The following SLIT3 variants were observed in gnomAD, a reference collection of about 807,000 sequenced individuals.
The protein encoded by SLIT3 is slit homolog 3 protein.
In SLIT3, 68 loss-of-function variants were observed where a neutral mutation model predicts 184.0. The ratio of observed to expected loss-of-function variants is 0.37; its 90% CI spans 0.30 to 0.45. The LOEUF is 0.45. Ranked by LOEUF, SLIT3 falls within the 20% of genes least tolerant of loss-of-function variation. SLIT3 has a pLI of 1.00. For synonymous variants in SLIT3, 831 were observed against 828.6 expected, an observed-to-expected ratio of 1.00 and a Z score of -0.05; for missense variants, 1,707 against 2,026.0, an observed-to-expected ratio of 0.84 and a Z score of 3.02.
At chr5:168,834,400 A>G (rs1757974701) in intron 6 of SLIT3, among the ~76,000 whole-genome samples, 1 of 152,048 alleles carries the variant, frequency 6.6e-6, no homozygotes, top group Admixed American at 6.6e-5. Context: ...TTAAATTTAG[A>G]TGGAGAAAGG....
At chr5:169,278,591 G>A (rs562227273) in intron 1 of SLIT3, among the ~76,000 whole-genome samples, 6 of 152,262 alleles carry the variant, frequency 3.9e-5, no homozygotes, top group South Asian at 2.1e-4. Context: ...GTATTAATGC[G>A]CAGGCCCAAA....
At chr5:168,975,574 C>A (rs1032709491) in intron 4 of SLIT3, among the ~76,000 whole-genome samples, 4 of 152,126 alleles carry the variant, frequency 2.6e-5, no homozygotes, top group Non-Finnish European at 4.4e-5. Flanking sequence ...GACACACAGG[C>A]ACACACCCAC....
At chr5:169,249,001 T>C (rs1293684596) in intron 2 of SLIT3, among the ~76,000 whole-genome samples, 2 of 152,192 alleles carry the variant, frequency 1.3e-5, no homozygotes, top group Non-Finnish European at 2.9e-5. Context: ...TTTTCAAGAC[T>C]ACTGAATCTT....
intron 4 of SLIT3, among the ~76,000 whole-genome samples, chr5:168,967,600 C>T (rs1326410297): frequency 2.4e-4 from 34 of 144,218 alleles, no homozygotes; most frequent in African/African-American, 7.3e-4. Flanking sequence ...CCACTACGCC[C>T]GGCTAATCTT....
chr5:168,794,076 C>T (rs567909323), intron 10 of SLIT3, among the ~76,000 whole-genome samples: 84 of 152,278 alleles, frequency 5.5e-4, no homozygotes, highest in African/African-American at 1.9e-3. Flanking sequence ...GCCACTGTTT[C>T]GCAGGGATAT....
chr5:169,146,116 G>A (rs1761915451), intron 4 of SLIT3, among the ~76,000 whole-genome samples: 1 of 152,172 alleles, frequency 6.6e-6, no homozygotes, highest in African/African-American at 2.4e-5. Context: ...ATTCTTACAA[G>A]AACCTCATGA....
At position 169,121,252 on chromosome 5, in the gene SLIT3, T is replaced by C. The variant is rs10475898; in HGVS notation, c.413+72227A>G. The stretch of plus-strand genomic sequence containing the variant: ...ATAGGATGAAATTTAGGAACTCCAA[T>C]ACCTTAAACCTTTCTGATGAGAGTC... On this transcript the variant is annotated intron_variant, in intron 4 of 35. Coordinates refer to ENST00000519560, the MANE Select transcript of SLIT3 (RefSeq NM_003062.4). Among the ~76,000 whole-genome samples the C allele has an allele frequency of 4.9e-4, 74 of 152,304 alleles. 1 individual carries two copies. The highest frequency in any genetic ancestry group is 1.7e-3 in the African/African-American group (72 of 41,574).
intron 4 of SLIT3, among the ~76,000 whole-genome samples, chr5:168,966,581 G>C (rs1763203289): frequency 6.6e-6 from 1 of 152,124 alleles, no homozygotes; most frequent in Non-Finnish European, 1.5e-5. Flanking sequence ...TATTACACCT[G>C]GTGGTGAGAG....
At chr5:168,712,237 G>A (rs375760787) in intron 24 of SLIT3, 46 bp downstream of exon 24, 2 of 1,532,462 alleles carry the variant, frequency 1.3e-6, no homozygotes, top group African/African-American at 2.7e-5. Flanking sequence ...ACACTTTCAT[G>A]CTTTCATGTT....
At chr5:169,080,291 C>A (rs1054540239) in intron 4 of SLIT3, among the ~76,000 whole-genome samples, 1 of 152,126 alleles carries the variant, frequency 6.6e-6, no homozygotes, top group East Asian at 1.9e-4. Context: ...CTAAGGAGAG[C>A]GTGTTTGTCG....
chr5:168,737,905 T>C (rs1440472617), intron 20 of SLIT3, among the ~76,000 whole-genome samples: 1 of 152,274 alleles, frequency 6.6e-6, no homozygotes, highest in East Asian at 1.9e-4. Flanking sequence ...TTGTACTTTC[T>C]GAAGGCAGTG....
chr5:169,263,648 CTCTGGGCGTA>C (rs749725865), intron 1 of SLIT3: 1 of 504,874 alleles, frequency 2.0e-6, no homozygotes, highest in Non-Finnish European at 4.0e-6. Flanking sequence ...TTCAGGCTTT[CTCTGGGCGTA>C]TCTGTGTGCT....
intron 4 of SLIT3, among the ~76,000 whole-genome samples, chr5:169,168,433 C>T (rs7700961): frequency 0.79 from 120,566 of 152,176 alleles, 48,023 homozygotes; most frequent in East Asian, 0.89. Flanking sequence ...TGAAGCCTTT[C>T]TGACAGGGGA....
intron 3 of SLIT3, among the ~76,000 whole-genome samples, chr5:169,236,478 GTTTT>G (rs56961775): frequency 1.4e-5 from 2 of 143,660 alleles, no homozygotes; most frequent in African/African-American, 2.6e-5. Context: ...GTTTTGTTTT[GTTTT>G]TTTTTTTTTT....
chr5:169,186,252 T>G (rs1333145688), intron 4 of SLIT3, among the ~76,000 whole-genome samples: 1 of 152,016 alleles, frequency 6.6e-6, no homozygotes, highest in Non-Finnish European at 1.5e-5. Flanking sequence ...ACATAACTGG[T>G]GTCCCCATAA....
chr5:168,998,945 G>A (rs890112195), intron 4 of SLIT3, among the ~76,000 whole-genome samples: 16 of 149,102 alleles, frequency 1.1e-4, no homozygotes, highest in Middle Eastern at 3.4e-3. Flanking sequence ...ACAGGATCTC[G>A]CTCTTTTGCC....
At chr5:168,924,330 T>A (rs944467224) in intron 4 of SLIT3, among the ~76,000 whole-genome samples, 2 of 152,182 alleles carry the variant, frequency 1.3e-5, no homozygotes, top group Non-Finnish European at 2.9e-5. Flanking sequence ...TCTTCCCATG[T>A]CCTGCTTCTC....
At chr5:169,030,505 G>C (rs1317894084) in intron 4 of SLIT3, 2 of 152,184 alleles carry the variant, frequency 1.3e-5, no homozygotes, top group African/African-American at 4.8e-5. Flanking sequence ...ATCTATTATA[G>C]AACACTGTTT....
At chr5:168,978,349 G>A (rs1754836951) in intron 4 of SLIT3, among the ~76,000 whole-genome samples, 1 of 152,198 alleles carries the variant, frequency 6.6e-6, no homozygotes, top group African/African-American at 2.4e-5. Flanking sequence ...ACGCTGCACT[G>A]GTATGAAACA....
Sources: gnomAD v4.1 joint callset for allele counts (sites outside exome capture counted in the v4.1 genomes callset) on GRCh38, gnomAD v4.1.1 for gene constraint, MANE v1.5 for transcripts, NCBI Gene and HGNC (gene_info 2026-07-23, HGNC 2026-07-21) for gene names.